Variants in SLC22A31 observed in about 807,000 individuals in gnomAD.
The protein encoded by SLC22A31 is putative solute carrier family 22 member 31.
A neutral mutation model predicts 27.4 loss-of-function variants in SLC22A31; 42 were observed. The ratio of observed to expected loss-of-function variants is 1.53; its 90% CI spans 1.20 to 1.98. The LOEUF is 1.98. Among genes scored for constraint, SLC22A31 ranks in the 30% most tolerant of loss-of-function variants. SLC22A31 has a pLI of 0.00. For missense variants in SLC22A31, 593 were observed against 479.9 expected (o/e 1.24, Z -2.20); for synonymous variants, 290 against 230.8 (o/e 1.26, Z -2.33).
At position 89,196,009 on chromosome 16, in the gene SLC22A31, T is replaced by C. The variant is rs944462586; in HGVS notation, c.1331A>G (p.Glu444Gly). Reference protein sequence around the residue: ...SNSYWAGHTPEQH With the variant: ...SNSYWAGHTPGQH The stretch of plus-strand genomic sequence containing the variant: ...GGCCACCAGGCAGGACTAGTGCTGC[T>C]CGGGGGTGTGGCCGGCCCAGTAGGA... The change falls in exon 9 of 9, where the codon GAG (glutamate) becomes GGG (glycine). Residue 444 changes from glutamate to glycine, a missense_variant. Coordinates refer to ENST00000682282, the MANE Select transcript of SLC22A31 (RefSeq NM_001384763.1). 6.8e-5 allele frequency: 102 copies of C among 1,508,972 alleles called. No individual in the cohort carries two copies. The highest frequency in any genetic ancestry group is 8.6e-5 in the Non-Finnish European group (97 of 1,133,738). 93.5% of individuals were successfully genotyped at this position (1,508,972 alleles called of 1,614,324 possible). A position where few individuals can be genotyped will look rare whatever the true frequency, so the allele number is the denominator to read the frequency against.
chr16:89,197,909 G>A (rs1027088054), intron 7 of SLC22A31, among the ~76,000 whole-genome samples: 4 of 152,196 alleles, frequency 2.6e-5, no homozygotes, highest in Non-Finnish European at 4.4e-5. Flanking sequence ...TGTGGCTGGG[G>A]CAGGTGTTTT....
intron 5 of SLC22A31, 31 bp downstream of exon 5, chr16:89,198,621 G>C: frequency 6.5e-7 from 1 of 1,529,616 alleles, no homozygotes; most frequent in South Asian, 1.2e-5. Context: ...TCCAGTACCT[G>C]AATCTCCCTC....
At chr16:89,198,954 G>C (rs988817591) in intron 4 of SLC22A31, 69 bp downstream of exon 4, 2 of 1,509,328 alleles carry the variant, frequency 1.3e-6, no homozygotes, top group Admixed American at 4.1e-5. Flanking sequence ...CATGGGATAC[G>C]TCGGTGCAGA....
In SLC22A31 at chr16:89,195,873, C is replaced by T. The variant is rs1915831479; in HGVS notation, c.*126G>A. The T allele has an allele frequency of 8.6e-7, 1 of 1,166,856 alleles. No homozygotes were observed. The highest frequency in any genetic ancestry group is 1.2e-6 in the Non-Finnish European group (1 of 861,240). The allele number at this position is 1,166,856 out of a possible 1,614,324, so 72.3% of individuals were successfully genotyped here. A position where few individuals can be genotyped will look rare whatever the true frequency, so the allele number is the denominator to read the frequency against. On this transcript the variant is annotated 3_prime_UTR_variant, in exon 9 of 9. Coordinates refer to ENST00000682282, the MANE Select transcript of SLC22A31 (RefSeq NM_001384763.1). The stretch of plus-strand genomic sequence containing the variant: ...CACCTTCACGCTGTCCCCACGGCTC[C>T]ACCTGCACTGAGACACGGGCTTCTG...
At chr16:89,200,271 C>A (rs1221811759) in intron 1 of SLC22A31, 1 of 154,106 alleles carries the variant, frequency 6.5e-6, no homozygotes, top group Non-Finnish European at 1.4e-5. Flanking sequence ...TGCGCTGGTA[C>A]CCACGCCCTC....
rs1240675022 is a variant in SLC22A31 at position 89,195,825 on chromosome 16, A to G, written c.*174T>C. ...GCTGGGGGGAGACCCAGGGCCTCCC[A>G]GTGCCTGGGGCCTGGCTGGAGACAC... On this transcript the variant is annotated 3_prime_UTR_variant, in exon 9 of 9. Transcript: ENST00000682282. The G allele has an allele frequency of 1.0e-5, 7 of 675,070 alleles. No individual in the cohort carries two copies. The highest frequency in any genetic ancestry group is 1.6e-5 in the Non-Finnish European group (7 of 436,174). The allele number at this position is 675,070 out of a possible 1,614,324, so 41.8% of individuals were successfully genotyped here.
Position 89,198,667 on chromosome 16 carries a change from TCTC to T in SLC22A31, c.580_582del (p.Glu194del), listed in dbSNP as rs1458910462. 7.2e-6 allele frequency: 11 copies of T among 1,535,474 alleles called. No individual in the cohort carries two copies. Among genetic ancestry groups the T allele is most frequent in the Middle Eastern group, 1.7e-4 (1 of 5,988 alleles). ...GGCGCCTGACCTGTAGCCAGGGAGT[TCTC>T]CTCCAAGGAACTGTCCCCGGGGCCC... On this transcript the variant is annotated inframe_deletion, in exon 5 of 9. Coordinates refer to ENST00000682282, the MANE Select transcript of SLC22A31 (RefSeq NM_001384763.1).
In SLC22A31 at chr16:89,198,484, G is replaced by T. The variant is rs1916196814; in HGVS notation, c.665C>A (p.Thr222Asn). Residue 222 changes from threonine (T) to asparagine (N), a missense_variant, in exon 6 of 9, where the codon ACC (threonine) becomes AAC (asparagine). By Grantham distance (65) the Thr-to-Asn change is moderately conservative (BLOSUM62 0). Coordinates refer to ENST00000682282, the MANE Select transcript of SLC22A31 (RefSeq NM_001384763.1). ...AAGCCCGTTTCTCCAGGTGACTCGG[G>T]TACGCAGAAGCCCCAGTGGGGAGTG... is the stretch of plus-strand genomic sequence containing the variant. Reference protein sequence around the residue: ...RYHSPLGLLRTRVTWRNGLIL... With the variant: ...RYHSPLGLLRNRVTWRNGLIL... 1.3e-6 allele frequency: 2 copies of T among 1,520,040 alleles called. No individual in the cohort carries two copies. The highest frequency in any genetic ancestry group is 1.8e-6 in the Non-Finnish European group (2 of 1,138,280). 94.2% of individuals were successfully genotyped at this position (1,520,040 alleles called of 1,614,324 possible).
In SLC22A31 at chr16:89,197,754, T is replaced by G. The variant is rs557110138; in HGVS notation, c.923-345A>C. ...TGGAAGCAAGGCCTGCATTTCATTT[T>G]GCACCTAGCTCCACACACCATGTGG... On this transcript the variant is annotated intron_variant, in intron 7 of 8. Coordinates refer to ENST00000682282, the MANE Select transcript of SLC22A31 (RefSeq NM_001384763.1). 3.9e-5 allele frequency among the ~76,000 whole-genome samples: 6 copies of G among 152,152 alleles called. No homozygotes were observed. The East Asian group carries it at 1.2e-3, about 29-fold the overall frequency.
chr16:89,198,417 G>C, intron 6 of SLC22A31, 25 bp downstream of exon 6: 2 of 1,523,686 alleles, frequency 1.3e-6, no homozygotes. Context: ...GGATGGTGCA[G>C]GACCCCAGCC....
rs1478829162 is a variant in SLC22A31 at position 89,196,302 on chromosome 16, CCCCCTGTGGG to C, written c.1035-7_1037del. ...CCCCCAGCACCAGGCCCAGCCCGGC[CCCCCTGTGGG>C]ACAGAGTGTGTTGGGGGCAGCCAGC... On this transcript the variant is annotated splice_acceptor_variant and splice_polypyrimidine_tract_variant and coding_sequence_variant and intron_variant, in exon 9 of 9. Transcript: ENST00000682282. LOFTEE classifies it high-confidence loss of function. The C allele has an allele frequency of 2.0e-6, 3 of 1,488,892 alleles. No individual in the cohort carries two copies. The highest frequency in any genetic ancestry group is 2.7e-6 in the Non-Finnish European group (3 of 1,122,858). The allele number at this position is 1,488,892 out of a possible 1,614,324, so 92.2% of individuals were successfully genotyped here.
In SLC22A31 at chr16:89,198,714, A is replaced by T; in HGVS notation, c.536T>A (p.Phe179Tyr). Residue 179 changes from phenylalanine (F) to tyrosine (Y), a missense_variant, in exon 5 of 9, where the codon TTT (phenylalanine) becomes TAT (tyrosine). Coordinates refer to ENST00000682282, the MANE Select transcript of SLC22A31 (RefSeq NM_001384763.1). ...VARARKILWR[F>Y]AEASGVGPGD... ...GGGGCCCACGCCACTGGCTTCTGCA[A>T]AGCGCCACAGGATCTTCCTGGCTCG... 1.3e-6 allele frequency: 2 copies of T among 1,535,732 alleles called. No individual in the cohort carries two copies. Among genetic ancestry groups the T allele is most frequent in the Non-Finnish European group, 1.7e-6 (2 of 1,146,772 alleles).
chr16:89,197,395 T>G lies in SLC22A31; in HGVS notation c.937A>C (p.Thr313Pro). ...CCCAGGACAGAGAGGAACAGCACAGTCCAGCCTGGCAGATCTGGGGACAAA... is the reference window on the plus strand; with the variant it reads ...CCCAGGACAGAGAGGAACAGCACAGGCCAGCCTGGCAGATCTGGGGACAAA... ...LAGAQYLPGW[T>P]VLFLSVLGLL... Residue 313 changes from threonine (T) to proline (P), a missense_variant, in exon 8 of 9, where the codon ACT becomes CCT. Coordinates refer to ENST00000682282, the MANE Select transcript of SLC22A31 (RefSeq NM_001384763.1). The G allele has an allele frequency of 6.5e-7, 1 of 1,535,680 alleles. No homozygotes were observed. Among genetic ancestry groups the G allele is most frequent in the Non-Finnish European group, 8.7e-7 (1 of 1,146,710 alleles).
Position 89,198,330 on chromosome 16 carries a change from A to G in SLC22A31, c.714T>C (p.Val238=). The G allele has an allele frequency of 2.0e-6, 3 of 1,535,876 alleles. No individual in the cohort carries two copies. The highest frequency in any genetic ancestry group is 1.7e-6 in the Non-Finnish European group (2 of 1,146,860). ...NGLILGFSSL[V]GGGIRASFRR... is the part of the protein sequence containing the mutation. ...GGAAGCTAGCTCTGATGCCTCCACC[A>G]ACCAGCCTGGGAGAGAGAGCAAATC... The change falls in exon 7 of 9, where the codon GTT becomes GTC. Residue 238 remains valine, a synonymous_variant. Coordinates refer to ENST00000682282, the MANE Select transcript of SLC22A31 (RefSeq NM_001384763.1).
Position 89,198,526 on chromosome 16 carries a change from C to T in SLC22A31, c.623G>A (p.Ser208Asn), listed in dbSNP as rs1317810723. 2 of 1,508,774 alleles carry T rather than the reference C, an allele frequency of 1.3e-6. No individual in the cohort carries two copies. Among genetic ancestry groups the T allele is most frequent in the Non-Finnish European group, 1.8e-6 (2 of 1,131,038 alleles). 93.5% of individuals were successfully genotyped at this position (1,508,774 alleles called of 1,614,324 possible). ...TGGGGAGTGGTACCGGGGCTGGGGG[C>T]TCCGTGCAGACAGCATGGTCAGCTC... ...ATELTMLSAR[S>N]PQPRYHSPLG... The change falls in exon 6 of 9, where the codon AGC (serine) becomes AAC (asparagine). Residue 208 changes from serine (S) to asparagine (N), a missense_variant. Ser to Asn is a conservative substitution (Grantham distance 46). Coordinates refer to ENST00000682282, the MANE Select transcript of SLC22A31 (RefSeq NM_001384763.1).
intron 8 of SLC22A31, among the ~76,000 whole-genome samples, chr16:89,196,821 C>T (rs936150065): frequency 1.3e-5 from 2 of 151,876 alleles, no homozygotes; most frequent in African/African-American, 4.8e-5. Context: ...TGGTGGGTGC[C>T]TGTAATCCCA....
upstream of SLC22A31, chr16:89,201,243 A>G: frequency 2.7e-6 from 1 of 367,990 alleles, no homozygotes; most frequent in Non-Finnish European, 4.8e-6. Flanking sequence ...GCTGCGGGGC[A>G]GCAGGGACGG....
At chr16:89,201,090 T>A, upstream of SLC22A31, 2 of 372,046 alleles carry the variant, frequency 5.4e-6, no homozygotes, top group Non-Finnish European at 9.6e-6. Flanking sequence ...GTCCGGCCCG[T>A]GCGCGCCCGT....
At chr16:89,199,304 C>T (rs1916318278) in intron 3 of SLC22A31, 109 bp downstream of exon 3, 2 of 1,052,386 alleles carry the variant, frequency 1.9e-6, no homozygotes, top group African/African-American at 1.6e-5. Flanking sequence ...GCCCAAGGGA[C>T]TCACTGCTCA....
Sources: gnomAD v4.1 joint callset for allele counts (sites outside exome capture counted in the v4.1 genomes callset) on GRCh38, gnomAD v4.1.1 for gene constraint, MANE v1.5 for transcripts, NCBI Gene and HGNC (gene_info 2026-07-23, HGNC 2026-07-21) for gene names.